The following PDE1C variants were observed in gnomAD, a reference collection of about 807,000 sequenced individuals.
PDE1C encodes dual specificity calcium/calmodulin-dependent 3',5'-cyclic nucleotide phosphodiesterase 1C.
PDE1C carries 62 observed loss-of-function variants against 93.1 expected under a neutral mutation model. The ratio of observed to expected loss-of-function variants is 0.67; its 90% CI spans 0.54 to 0.82. The LOEUF is 0.82. PDE1C is among the 40% of genes least tolerant of loss of function. The pLI is 0.00. For missense variants in PDE1C, 742 were observed against 884.6 expected (o/e 0.84, Z 2.04); for synonymous variants, 325 against 310.1 (o/e 1.05, Z -0.50).
At chr7:32,131,804 G>A (rs1203811908) in intron 3 of PDE1C, among the ~76,000 whole-genome samples, 1 of 151,984 alleles carries the variant, frequency 6.6e-6, no homozygotes, top group Non-Finnish European at 1.5e-5. Context: ...CCAAAACCAA[G>A]CATTGTTTTA....
At chr7:32,380,751 T>G (rs1391622641) in intron 1 of PDE1C, among the ~76,000 whole-genome samples, 3 of 152,062 alleles carry the variant, frequency 2.0e-5, no homozygotes, top group Admixed American at 2.0e-4. Context: ...ATGTTCCTGG[T>G]TTTTCTCCCA....
At chr7:32,373,498 A>G (rs1423174814) in intron 1 of PDE1C, among the ~76,000 whole-genome samples, 1 of 152,242 alleles carries the variant, frequency 6.6e-6, no homozygotes, top group African/African-American at 2.4e-5. Flanking sequence ...AGTGACTGCT[A>G]ATGGATATGG....
intron 3 of PDE1C, among the ~76,000 whole-genome samples, chr7:32,105,001 C>T (rs1001699829): frequency 6.6e-6 from 1 of 152,116 alleles, no homozygotes; most frequent in African/African-American, 2.4e-5. Flanking sequence ...TGCCAAAGTC[C>T]TCCCATATGA....
chr7:32,327,380 C>T (rs1370309877), intron 1 of PDE1C, among the ~76,000 whole-genome samples: 3 of 152,154 alleles, frequency 2.0e-5, no homozygotes, highest in African/African-American at 7.2e-5. Context: ...TAGGACATTA[C>T]CAGCATCCCA....
At chr7:31,872,181 T>C (rs886698769) in intron 6 of PDE1C, among the ~76,000 whole-genome samples, 1 of 152,136 alleles carries the variant, frequency 6.6e-6, no homozygotes, top group African/African-American at 2.4e-5. Flanking sequence ...TTTGATCTTA[T>C]GCAGTCAGAG....
At chr7:31,749,831 A>G (rs1287546137), downstream of PDE1C, among the ~76,000 whole-genome samples, 2 of 143,640 alleles carry the variant, frequency 1.4e-5, no homozygotes, top group Non-Finnish European at 3.0e-5. Context: ...TCTGCCTCCC[A>G]GGTTCAAGTG....
chr7:32,416,915 G>A (rs1196287486), intron 1 of PDE1C, among the ~76,000 whole-genome samples: 2 of 152,180 alleles, frequency 1.3e-5, no homozygotes, highest in Non-Finnish European at 2.9e-5. Flanking sequence ...CCTTGGGAGA[G>A]ATCGAGGGGC....
rs3079693 is a variant in PDE1C, at chr7:32,421,086, A to AACAC, written c.310+6732_310+6735dup. ...CACCCCTAGAAGGCGGATTAAAACT[A>AACAC]ACACACACACACACACACACACACA... On this transcript the variant is annotated intron_variant, in intron 1 of 1. Transcript: ENST00000672256. Among the ~76,000 whole-genome samples the AACAC allele has an allele frequency of 7.8e-3, 1,171 of 150,624 alleles. 14 individuals are homozygous for AACAC. The highest frequency in any genetic ancestry group is 0.021 in the East Asian group (109 of 5,114).
chr7:31,693,627 T>A, the PDE1C span, among the ~76,000 whole-genome samples: 2 of 152,186 alleles, frequency 1.3e-5, no homozygotes, highest in African/African-American at 4.8e-5. Flanking sequence ...GGGATGGTAT[T>A]CATATTTAAC....
At chr7:32,342,663 A>T (rs528331784) in intron 1 of PDE1C, among the ~76,000 whole-genome samples, 42 of 152,298 alleles carry the variant, frequency 2.8e-4, no homozygotes, top group African/African-American at 9.6e-4. Context: ...AAGCAAGATC[A>T]CCTAAATTTA....
intron 1 of PDE1C, among the ~76,000 whole-genome samples, chr7:32,310,106 C>T (rs1414088849): frequency 6.6e-6 from 1 of 151,966 alleles, no homozygotes; most frequent in African/African-American, 2.4e-5. Flanking sequence ...CAATCCTAGT[C>T]TCTGATAAAA....
At chr7:31,735,398 CAAAAAAAAAAAAAAAA>C in the PDE1C span, among the ~76,000 whole-genome samples, 30 of 142,892 alleles carry the variant, frequency 2.1e-4, no homozygotes, top group Non-Finnish European at 2.4e-4. Context: ...AACTCTGTCT[CAAAAAAAAAAAAAAAA>C]AAAAAAAAAA....
intron 1 of PDE1C, among the ~76,000 whole-genome samples, chr7:32,232,754 G>C (rs35480242): frequency 0.11 from 15,991 of 152,188 alleles, 899 homozygotes; most frequent in East Asian, 0.13. Flanking sequence ...ATGGATAGAC[G>C]GGTATCCATC....
At chr7:31,644,692 C>T in the PDE1C span, among the ~76,000 whole-genome samples, 1 of 152,170 alleles carries the variant, frequency 6.6e-6, no homozygotes. Flanking sequence ...TGAGCCCTTC[C>T]AGTACCTCCT....
At chr7:32,239,817 G>A (rs1036790410) in intron 1 of PDE1C, among the ~76,000 whole-genome samples, 2 of 152,208 alleles carry the variant, frequency 1.3e-5, no homozygotes, top group African/African-American at 4.8e-5. Context: ...TTAGGCACAT[G>A]GTAGGATTGT....
chr7:31,705,588 G>A, the PDE1C span, among the ~76,000 whole-genome samples: 2 of 152,166 alleles, frequency 1.3e-5, no homozygotes, highest in Non-Finnish European at 2.9e-5. Context: ...GAACAAACTA[G>A]GAACTGAAAC....
chr7:32,407,963 G>A (rs116056136), intron 1 of PDE1C, among the ~76,000 whole-genome samples: 213 of 152,268 alleles, frequency 1.4e-3, no homozygotes, highest in African/African-American at 5.1e-3. Context: ...TTGTGCCACT[G>A]TTTCTGGGGT....
intron 1 of PDE1C, among the ~76,000 whole-genome samples, chr7:32,309,660 G>A (rs1465524043): frequency 1.3e-5 from 2 of 152,184 alleles, no homozygotes; most frequent in African/African-American, 2.4e-5. Flanking sequence ...AGCTTCATAA[G>A]TGAAGGAGAA....
At chr7:32,282,615 T>G (rs1212260695) in intron 1 of PDE1C, among the ~76,000 whole-genome samples, 1 of 127,066 alleles carries the variant, frequency 7.9e-6, no homozygotes, top group Admixed American at 8.2e-5. Flanking sequence ...GGAGTCTCTC[T>G]CTGTCGCCCA....
Sources: gnomAD v4.1 joint callset for allele counts (sites outside exome capture counted in the v4.1 genomes callset) on GRCh38, gnomAD v4.1.1 for gene constraint, MANE v1.5 for transcripts, NCBI Gene and HGNC (gene_info 2026-07-23, HGNC 2026-07-21) for gene names.